The following STAG1 variants were observed in gnomAD, a reference collection of about 807,000 sequenced individuals.
STAG1 encodes the protein cohesin subunit SA-1.
Under a neutral mutation model 170.9 loss-of-function variants are expected in STAG1, and 26 were observed. The observed-to-expected ratio is 0.15, with a 90% CI of 0.11 to 0.21. The LOEUF is 0.21. Ranked by LOEUF, STAG1 falls within the 10% of genes least tolerant of loss-of-function variation. The pLI is 1.00. For missense variants in STAG1, 964 were observed against 1,509.5 expected, an observed-to-expected ratio of 0.64 and a Z score of 5.99; for synonymous variants, 514 against 497.7, an observed-to-expected ratio of 1.03 and a Z score of -0.44.
intron 12 of STAG1, among the ~76,000 whole-genome samples, chr3:136,465,906 T>A (rs552089444): frequency 2.0e-5 from 3 of 152,160 alleles, no homozygotes; most frequent in Non-Finnish European, 4.4e-5. Context: ...CAGCTGAGCA[T>A]GGCAGTGCAT....
Position 136,405,231 on chromosome 3 carries a change from CTTTTTTTTTTTTTT to C in STAG1, c.2197-6416_2197-6403del, listed in dbSNP as rs554475207. 4.8e-4 allele frequency among the ~76,000 whole-genome samples: 29 copies of C among 60,906 alleles called. 1 individual carries two copies. The highest frequency in any genetic ancestry group is 3.0e-3 in the South Asian group (3 of 984). 40.0% of individuals were successfully genotyped at this position (60,906 alleles called of 152,430 possible). On this transcript the variant is annotated intron_variant, in intron 21 of 33. Transcript: ENST00000383202. ...AATAAATAAACACATGAAAAAACCTCTTTTTTTTTTTTTTTTTTTTTTTTTTTTCAGACGAAGTC... is the reference window on the plus strand; with the variant it reads ...AATAAATAAACACATGAAAAAACCTCTTTTTTTTTTTTTTCAGACGAAGTC...
At chr3:136,485,040 C>G (rs1021031382) in intron 9 of STAG1, among the ~76,000 whole-genome samples, 2 of 152,178 alleles carry the variant, frequency 1.3e-5, no homozygotes, top group Non-Finnish European at 2.9e-5. Flanking sequence ...CCGTCTTCTG[C>G]GTCGCTCACG....
At chr3:136,748,514 G>C (rs1034695010) in intron 1 of STAG1, among the ~76,000 whole-genome samples, 2 of 151,944 alleles carry the variant, frequency 1.3e-5, no homozygotes, top group East Asian at 1.9e-4. Context: ...CTCCTGCCTC[G>C]GCCTCCTGAG....
chr3:136,654,466 T>C (rs1396050485), intron 1 of STAG1, among the ~76,000 whole-genome samples: 2 of 152,148 alleles, frequency 1.3e-5, no homozygotes, highest in South Asian at 2.1e-4. Context: ...ACTGAAAACA[T>C]GGATGAAAGA....
chr3:136,423,865 TA>T (rs369067197), intron 16 of STAG1, among the ~76,000 whole-genome samples: 1 of 151,766 alleles, frequency 6.6e-6, no homozygotes, highest in African/African-American at 2.4e-5. Context: ...TTTTTTTTTT[TA>T]TTTTTTTTTA....
chr3:136,721,658 G>A (rs967720763), intron 1 of STAG1, among the ~76,000 whole-genome samples: 1 of 152,160 alleles, frequency 6.6e-6, no homozygotes, highest in African/African-American at 2.4e-5. Context: ...AGGAGGCTGA[G>A]GCGGGCGGAT....
intron 16 of STAG1, among the ~76,000 whole-genome samples, chr3:136,430,806 GACACAC>G (rs35492621): frequency 0.12 from 15,861 of 130,962 alleles, 915 homozygotes; most frequent in South Asian, 0.17. Flanking sequence ...GACATAGACA[GACACAC>G]ACACACACAC....
intron 4 of STAG1, among the ~76,000 whole-genome samples, chr3:136,569,981 T>C (rs1937209750): frequency 6.6e-6 from 1 of 152,100 alleles, no homozygotes; most frequent in African/African-American, 2.4e-5. Flanking sequence ...GTGGGCAGGA[T>C]TGTTTGAGAT....
rs59155124 is a variant in STAG1 at position 136,541,538 on chromosome 3, TCACACACACACA to T, written c.471+569_471+580del. ...AGTATCCCAAATAGAAGCTTAACATTCACACACACACACACACACACACACACACACACACAC... is the reference window on the plus strand; with the variant it reads ...AGTATCCCAAATAGAAGCTTAACATTCACACACACACACACACACACACAC... On this transcript the variant is annotated intron_variant, in intron 6 of 33. Coordinates refer to ENST00000383202, the MANE Select transcript of STAG1 (RefSeq NM_005862.3). Among the ~76,000 whole-genome samples the T allele has an allele frequency of 3.5e-3, 426 of 123,210 alleles. 2 individuals carry two copies. Among genetic ancestry groups the T allele is most frequent in the African/African-American group, 0.012 (384 of 32,796 alleles). The allele number at this position is 123,210 out of a possible 152,430, so 80.8% of individuals were successfully genotyped here. A position where few individuals can be genotyped will look rare whatever the true frequency, so the allele number is the denominator to read the frequency against.
intron 28 of STAG1, among the ~76,000 whole-genome samples, chr3:136,349,603 C>T (rs541212412): frequency 1.3e-5 from 2 of 152,008 alleles, no homozygotes; most frequent in South Asian, 2.1e-4. Context: ...TATGTATGTA[C>T]GGTCTTTCCT....
At chr3:136,367,542 G>A (rs1337120488) in intron 24 of STAG1, among the ~76,000 whole-genome samples, 3 of 152,090 alleles carry the variant, frequency 2.0e-5, no homozygotes, top group African/African-American at 4.8e-5. Flanking sequence ...TAACAATACT[G>A]TGAAATTATC....
intron 21 of STAG1, among the ~76,000 whole-genome samples, chr3:136,405,989 A>G (rs895945232): frequency 2.0e-5 from 3 of 152,090 alleles, no homozygotes; most frequent in Admixed American, 6.6e-5. Context: ...AGTTTCTAAT[A>G]AAGTTAAATA....
chr3:136,700,211 T>C (rs1368206290), intron 1 of STAG1, among the ~76,000 whole-genome samples: 1 of 147,344 alleles, frequency 6.8e-6, no homozygotes, highest in Non-Finnish European at 1.5e-5. Flanking sequence ...GCCTAGAATA[T>C]GGTCTTCAGA....
At chr3:136,358,891 C>A (rs1369922337) in intron 27 of STAG1, among the ~76,000 whole-genome samples, 1 of 152,050 alleles carries the variant, frequency 6.6e-6, no homozygotes, top group East Asian at 1.9e-4. Flanking sequence ...TCTCTCAAAC[C>A]CACTGTTTTC....
intron 1 of STAG1, among the ~76,000 whole-genome samples, chr3:136,647,288 TGGCCGGG>T (rs1273384881): frequency 3.9e-5 from 6 of 152,120 alleles, no homozygotes; most frequent in Admixed American, 3.9e-4. Flanking sequence ...ATATCTTTCC[TGGCCGGG>T]CATGGTGACT....
chr3:136,485,050 G>C (rs964949301), intron 9 of STAG1, among the ~76,000 whole-genome samples: 14 of 152,138 alleles, frequency 9.2e-5, no homozygotes, highest in Admixed American at 2.6e-4. Context: ...CGTCGCTCAC[G>C]CTGGGAGCTG....
intron 4 of STAG1, among the ~76,000 whole-genome samples, chr3:136,588,653 T>G (rs906322701): frequency 6.6e-6 from 1 of 151,890 alleles, no homozygotes; most frequent in Non-Finnish European, 1.5e-5. Context: ...TTTTTTTTTT[T>G]GTCTCCCTCT....
chr3:136,342,113 T>C (rs1936002941), intron 30 of STAG1, among the ~76,000 whole-genome samples: 1 of 147,634 alleles, frequency 6.8e-6, no homozygotes, highest in Admixed American at 6.8e-5. Context: ...TCCGCCTCCC[T>C]GGTTCAAGGG....
intron 6 of STAG1, among the ~76,000 whole-genome samples, chr3:136,534,276 G>C (rs1559865004): frequency 1.3e-5 from 2 of 152,084 alleles, no homozygotes; most frequent in Non-Finnish European, 2.9e-5. Context: ...AGACTTAACT[G>C]TAAGACCTGA....
Sources: allele counts gnomAD v4.1 joint callset (sites outside exome capture counted in the v4.1 genomes callset), GRCh38; gene constraint gnomAD v4.1.1; transcripts MANE v1.5; gene names NCBI Gene and HGNC (gene_info 2026-07-23, HGNC 2026-07-21).